CRB1: variants seen among roughly 807,000 people sequenced by gnomAD.
The protein encoded by CRB1 is protein crumbs homolog 1.
A neutral mutation model predicts 120.0 loss-of-function variants in CRB1; 83 were observed. That is an observed-to-expected ratio of 0.69 (90% CI 0.58 to 0.83). CRB1 has a LOEUF of 0.83. Among genes scored for constraint, CRB1 ranks in the 40% least tolerant of loss-of-function variants. The pLI, the probability that CRB1 is intolerant of heterozygous loss-of-function variation, is 0.00. For synonymous variants in CRB1, 625 were observed against 612.5 expected (o/e 1.02, Z -0.30); for missense variants, 1,699 against 1,687.6 (o/e 1.01, Z -0.12).
intron 5 of CRB1, among the ~76,000 whole-genome samples, chr1:197,401,460 A>G (rs552749682): frequency 1.4e-4 from 22 of 152,274 alleles, no homozygotes; most frequent in Non-Finnish European, 2.2e-4. Context: ...CCATGATAGC[A>G]TGGTCTTTGC....
At position 197,434,746 on chromosome 1, in the gene CRB1, A is replaced by AT; in HGVS notation, c.2885dup (p.Leu962PhefsTer36). The stretch of plus-strand genomic sequence containing the variant: ...TTTTTAATGGACAAAGCGGTCAAAT[A>AT]TTATTCAGAAGCAATGGGAATATTA... On this transcript the variant is annotated frameshift_variant, in exon 9 of 12. Transcript: ENST00000367400. LOFTEE classifies it high-confidence loss of function. The AT allele has an allele frequency of 1.2e-6, 2 of 1,613,658 alleles. No individual in the cohort carries two copies. The highest frequency in any genetic ancestry group is 1.7e-6 in the Non-Finnish European group (2 of 1,179,678).
chr1:197,428,083 C>T (rs1664692631), intron 7 of CRB1, 82 bp downstream of exon 7: 2 of 1,266,778 alleles, frequency 1.6e-6, no homozygotes, highest in Non-Finnish European at 2.2e-6. Context: ...TAAAACCATT[C>T]TTTGTATATA....
upstream of CRB1, among the ~76,000 whole-genome samples, chr1:197,266,015 T>C (rs1466391968): frequency 6.6e-6 from 1 of 152,190 alleles, no homozygotes; most frequent in Non-Finnish European, 1.5e-5. Context: ...TTGCTGAGTC[T>C]TATTTCCTGA....
At chr1:197,374,920 A>C (rs1443568973) in intron 5 of CRB1, among the ~76,000 whole-genome samples, 2 of 152,176 alleles carry the variant, frequency 1.3e-5, no homozygotes, top group Non-Finnish European at 2.9e-5. Context: ...AGCTAGAAAC[A>C]ACCAAGGCAC....
chr1:197,230,060 A>C, the CRB1 span, among the ~76,000 whole-genome samples: 1 of 152,208 alleles, frequency 6.6e-6, no homozygotes, highest in Admixed American at 6.5e-5. Flanking sequence ...AAGTCATTTC[A>C]TCCTCACAAC....
chr1:197,206,660 A>G, the CRB1 span, among the ~76,000 whole-genome samples: 14 of 152,252 alleles, frequency 9.2e-5, no homozygotes, highest in East Asian at 2.5e-3. Flanking sequence ...TTTGTGGCCT[A>G]TCATATGGTC....
the CRB1 span, among the ~76,000 whole-genome samples, chr1:197,227,954 G>T: frequency 6.6e-6 from 1 of 152,302 alleles, no homozygotes; most frequent in South Asian, 2.1e-4. Context: ...GCCAAGGTTT[G>T]GGGCTTACGT....
chr1:197,269,940 G>A lies in CRB1; in HGVS notation c.70+1458G>A, dbSNP rs186163532. ...GTTCTCCAGCATAGTATTTTTATTC[G>A]TTTAAAAAAGTACATTTGAAGTCTC... On this transcript the variant is annotated intron_variant, in intron 1 of 11. Coordinates refer to ENST00000367400, the MANE Select transcript of CRB1 (RefSeq NM_201253.3). Among the ~76,000 whole-genome samples, 782 of 151,924 alleles carry A rather than the reference G, an allele frequency of 5.1e-3. 2 individuals carry two copies. The highest frequency in any genetic ancestry group is 6.8e-3 in the Middle Eastern group (2 of 294).
intron 5 of CRB1, among the ~76,000 whole-genome samples, chr1:197,375,064 G>A (rs1571423049): frequency 6.6e-6 from 1 of 152,050 alleles, no homozygotes; most frequent in African/African-American, 2.4e-5. Flanking sequence ...CCATCCCAAA[G>A]GCTCTTAACA....
rs139463596 is a variant in CRB1, at chr1:197,421,861, G to A, written c.2033G>A (p.Ser678Asn). 70 of 1,614,086 alleles carry A rather than the reference G, an allele frequency of 4.3e-5. No homozygotes were observed. In the African/African-American group the frequency reaches 8.1e-4, roughly 19 times the overall value. Residue 678 changes from serine to asparagine, a missense_variant, in exon 6 of 12, where the codon AGC (serine) becomes AAC (asparagine). Transcript: ENST00000367400. ...AGCVRKDWCESQPCQSRGRCI... is the reference protein window; with the variant it reads ...AGCVRKDWCENQPCQSRGRCI... ...TGTGTGAGAAAGGATTGGTGTGAAAGCCAACCTTGTCAAAGCAGAGGACGC... is the reference window on the plus strand; with the variant it reads ...TGTGTGAGAAAGGATTGGTGTGAAAACCAACCTTGTCAAAGCAGAGGACGC...
intron 7 of CRB1, 24 bp downstream of exon 7, chr1:197,428,025 G>A (rs1343480942): frequency 6.3e-7 from 1 of 1,594,438 alleles, no homozygotes; most frequent in African/African-American, 1.3e-5. Context: ...ATACAAACTA[G>A]GTATATACTG....
intron 1 of CRB1, among the ~76,000 whole-genome samples, chr1:197,308,806 T>C (rs2125267587): frequency 6.6e-6 from 1 of 151,578 alleles, no homozygotes; most frequent in Non-Finnish European, 1.5e-5. Context: ...ATATAATAAA[T>C]GCTTTTATGT....
In CRB1 at chr1:197,477,765, C is replaced by T. The variant is rs1571645424; in HGVS notation, c.4107C>T (p.Thr1369=). ...LLLAIVASVV[T]SNKRATQGTY... is the part of the protein sequence containing the mutation. ...TGGCCATTGTTGCTTCTGTTGTCAC[C>T]TCCAACAAAAGGGCAACTCAGGGAA... is the stretch of plus-strand genomic sequence containing the variant. The change falls in exon 12 of 12, where the codon ACC becomes ACT. Residue 1369 remains threonine (T), a synonymous_variant. Transcript: ENST00000367400. 4 of 1,613,904 alleles carry T rather than the reference C, an allele frequency of 2.5e-6. No individual in the cohort carries two copies. In the Admixed American group the frequency reaches 5.0e-5, roughly 20 times the overall value.
At chr1:197,299,887 C>T (rs1656765927) in intron 1 of CRB1, among the ~76,000 whole-genome samples, 1 of 151,276 alleles carries the variant, frequency 6.6e-6, no homozygotes, top group African/African-American at 2.4e-5. Flanking sequence ...AGCATGTGCT[C>T]AGTTTGTGTC....
At chr1:197,268,949 A>G (rs1211110247) in intron 1 of CRB1, among the ~76,000 whole-genome samples, 1 of 152,226 alleles carries the variant, frequency 6.6e-6, no homozygotes, top group Admixed American at 6.5e-5. Context: ...GATAGTCTCA[A>G]TGTTTCCCAG....
chr1:197,474,504 T>C (rs1206555167), intron 11 of CRB1, among the ~76,000 whole-genome samples: 4 of 152,164 alleles, frequency 2.6e-5, no homozygotes, highest in African/African-American at 9.7e-5. Context: ...TCCCAAAATA[T>C]GTGAAACAGG....
At chr1:197,340,548 T>A (rs992705864) in intron 2 of CRB1, among the ~76,000 whole-genome samples, 10 of 152,038 alleles carry the variant, frequency 6.6e-5, no homozygotes, top group African/African-American at 2.4e-4. Flanking sequence ...TCAATAATAG[T>A]GAGAGCAGAT....
intron 2 of CRB1, among the ~76,000 whole-genome samples, chr1:197,343,692 C>G (rs921901944): frequency 6.6e-6 from 1 of 152,102 alleles, no homozygotes; most frequent in African/African-American, 2.4e-5. Flanking sequence ...TGTTTTTTCT[C>G]TAGCAAATAC....
At chr1:197,207,493 A>G in the CRB1 span, among the ~76,000 whole-genome samples, 2 of 152,130 alleles carry the variant, frequency 1.3e-5, no homozygotes, top group African/African-American at 2.4e-5. Flanking sequence ...TTTGCTGGAT[A>G]CAAAATTCTT....
Sources: allele counts gnomAD v4.1 joint callset (sites outside exome capture counted in the v4.1 genomes callset), GRCh38; gene constraint gnomAD v4.1.1; transcripts MANE v1.5; gene names NCBI Gene and HGNC (gene_info 2026-07-23, HGNC 2026-07-21).